Variants in RIF1 observed in about 807,000 individuals in gnomAD.
The protein encoded by RIF1 is replication timing regulatory factor 1.
A neutral mutation model predicts 247.1 loss-of-function variants in RIF1; 45 were observed. That is an observed-to-expected ratio of 0.18 (90% confidence interval 0.14 to 0.23). The LOEUF is 0.23. Ranked by LOEUF, RIF1 falls within the 10% of genes least tolerant of loss-of-function variation. The pLI is 1.00. For synonymous variants in RIF1, 1,087 were observed against 978.8 expected (o/e 1.11, Z -2.06); for missense variants, 2,967 against 2,862.5 (o/e 1.04, Z -0.83).
the RIF1 span, among the ~76,000 whole-genome samples, chr2:151,522,329 A>C: frequency 9.2e-5 from 14 of 152,240 alleles, no homozygotes; most frequent in South Asian, 2.1e-4. Context: ...CTGAGAAACT[A>C]TATTAAATAC....
chr2:151,530,605 A>T, the RIF1 span: 1 of 163,324 alleles, frequency 6.1e-6, no homozygotes, highest in Non-Finnish European at 1.3e-5. Context: ...AAAAATCAGT[A>T]CCTCAGGATA....
At chr2:151,439,251 G>A (rs1691798871) in intron 14 of RIF1, among the ~76,000 whole-genome samples, 1 of 152,090 alleles carries the variant, frequency 6.6e-6, no homozygotes, top group South Asian at 2.1e-4. Flanking sequence ...GAATAGGAGT[G>A]GACTCATGCC....
At chr2:151,528,515 A>G in the RIF1 span, among the ~76,000 whole-genome samples, 2 of 152,164 alleles carry the variant, frequency 1.3e-5, no homozygotes, top group African/African-American at 4.8e-5. Context: ...CTGTCCTTCT[A>G]TCCGTCTGCC....
At position 151,474,894 on chromosome 2, in the gene RIF1, C is replaced by A; in HGVS notation, c.7242C>A (p.Ser2414=). Residue 2414 remains serine (S), a synonymous_variant, in exon 36 of 36, where the codon TCC becomes TCA. Transcript: ENST00000444746. ...CTGTTGCTTTAGAAATTCCATTATC[C>A]AAAAACCTTCTGGCACAGATTAGTG... is the stretch of plus-strand genomic sequence containing the variant. The part of the protein sequence containing the change: ...IDPVALEIPL[S]KNLLAQISAL... 1 of 1,598,336 alleles carries A rather than the reference C, an allele frequency of 6.3e-7. No homozygotes were observed. The highest frequency in any genetic ancestry group is 1.1e-5 in the South Asian group (1 of 90,548).
At chr2:151,453,193 C>T (rs937558044) in intron 21 of RIF1, among the ~76,000 whole-genome samples, 3 of 151,744 alleles carry the variant, frequency 2.0e-5, no homozygotes, top group Admixed American at 6.6e-5. Flanking sequence ...ACATTTTATT[C>T]TTTTTCCCTT....
the RIF1 span, among the ~76,000 whole-genome samples, chr2:151,517,012 G>C: frequency 1.7e-3 from 261 of 152,306 alleles, 2 homozygotes; most frequent in South Asian, 0.031. Context: ...CTGGGGTCTA[G>C]ATTGAATGGA....
At chr2:151,502,369 T>C (rs2065290842) in intron 11 of RIF1, among the ~76,000 whole-genome samples, 1 of 140,130 alleles carries the variant, frequency 7.1e-6, no homozygotes, top group Non-Finnish European at 1.5e-5. Flanking sequence ...TATGGAAAAA[T>C]AAATAAACAT....
the RIF1 span, chr2:151,534,370 A>G: frequency 6.6e-7 from 1 of 1,514,618 alleles, no homozygotes; most frequent in African/African-American, 1.4e-5. Context: ...TCAAGGCTAC[A>G]CAAAAATGTC....
chr2:151,497,926 G>A (rs2061396420), intron 10 of RIF1: 1 of 1,461,638 alleles, frequency 6.8e-7, no homozygotes, highest in East Asian at 2.5e-5. Flanking sequence ...CTGAGGAAGG[G>A]CTGTCAGAGT....
At chr2:151,528,768 A>G in the RIF1 span, among the ~76,000 whole-genome samples, 1 of 152,238 alleles carries the variant, frequency 6.6e-6, no homozygotes, top group East Asian at 1.9e-4. Flanking sequence ...CGCAGGGAAT[A>G]TCTGAGCAGG....
At chr2:151,424,471 G>T (rs1238392843) in intron 8 of RIF1, among the ~76,000 whole-genome samples, 1 of 152,158 alleles carries the variant, frequency 6.6e-6, no homozygotes, top group Non-Finnish European at 1.5e-5. Context: ...CTGAGTAATT[G>T]TATGTATATA....
At chr2:151,444,390 A>T (rs763235581) in intron 18 of RIF1, among the ~76,000 whole-genome samples, 11 of 152,178 alleles carry the variant, frequency 7.2e-5, no homozygotes, top group Non-Finnish European at 1.2e-4. Flanking sequence ...GCTCACTGCA[A>T]CCTCTGCCTC....
the RIF1 span, chr2:151,514,999 AG>A: frequency 1.0e-6 from 1 of 978,388 alleles, no homozygotes; most frequent in Non-Finnish European, 1.5e-6. Flanking sequence ...CATCTCAGGA[AG>A]AAAAAAAAAA....
Position 151,426,234 on chromosome 2 carries a change from G to A in RIF1, c.787-2550G>A, listed in dbSNP as rs559379475. Among the ~76,000 whole-genome samples, 40 of 136,684 alleles carry A rather than the reference G, an allele frequency of 2.9e-4. No individual in the cohort carries two copies. In the South Asian group the frequency reaches 9.2e-3, roughly 32 times the overall value. 89.7% of individuals were successfully genotyped at this position (136,684 alleles called of 152,430 possible). A position where few individuals can be genotyped will look rare whatever the true frequency, so the allele number is the denominator to read the frequency against. ...GTGTCGCCCAGGCTGGAGTGCAGTG[G>A]CGTGATCTCAGCTCACTGCAACCTC... On this transcript the variant is annotated intron_variant, in intron 8 of 35. Coordinates refer to ENST00000444746, the MANE Select transcript of RIF1 (RefSeq NM_018151.5).
intron 30 of RIF1, 45 bp from the exon 31 acceptor site, chr2:151,467,955 A>T (rs769828177): frequency 7.8e-6 from 12 of 1,547,768 alleles, no homozygotes; most frequent in South Asian, 1.2e-5. Context: ...GTAATTTTTT[A>T]AAAACTTTAA....
Position 151,463,498 on chromosome 2 carries a change from T to C in RIF1, c.3978T>C (p.Asn1326=). The C allele has an allele frequency of 6.2e-7, 1 of 1,614,040 alleles. No individual in the cohort carries two copies. Among genetic ancestry groups the C allele is most frequent in the Non-Finnish European group, 8.5e-7 (1 of 1,179,956 alleles). Residue 1326 remains asparagine, a synonymous_variant, in exon 30 of 36, where the codon AAT becomes AAC. Coordinates refer to ENST00000444746, the MANE Select transcript of RIF1 (RefSeq NM_018151.5). ...TTGAAGGCATTGTAGTCTTAGAAAA[T>C]AACCCACCTGGTTTGCTTAATCAAA... ...ESVEGIVVLE[N]NPPGLLNQTE...
In RIF1 at chr2:151,420,370, T is replaced by A. The variant is rs754829502; in HGVS notation, c.684T>A (p.Leu228=). ...QQEIASITEQ[L]MTTKLISELQ... ...AAATAGCATCTATTACGGAGCAGCT[T>A]ATGACTACTGTGAGTGTTCTTTTAT... is the stretch of plus-strand genomic sequence containing the variant. Residue 228 remains leucine, a synonymous_variant, in exon 7 of 36, where the codon CTT becomes CTA. Transcript: ENST00000444746. 6.2e-7 allele frequency: 1 copy of A among 1,614,012 alleles called. No homozygotes were observed. Among genetic ancestry groups the A allele is most frequent in the East Asian group, 2.2e-5 (1 of 44,876 alleles).
At chr2:151,533,353 G>T in the RIF1 span, 2 of 818,736 alleles carry the variant, frequency 2.4e-6, no homozygotes, top group South Asian at 1.6e-5. Flanking sequence ...CATGGGCAGG[G>T]AGTGGAAGAG....
intron 5 of RIF1, 37 bp from the exon 6 acceptor site, chr2:151,416,770 G>T: frequency 6.2e-7 from 1 of 1,602,152 alleles, no homozygotes; most frequent in Admixed American, 1.7e-5. Flanking sequence ...AACAGTTCAG[G>T]CTTATTTCAT....
Sources: allele counts gnomAD v4.1 joint callset (sites outside exome capture counted in the v4.1 genomes callset), GRCh38; gene constraint gnomAD v4.1.1; transcripts MANE v1.5; gene names NCBI Gene and HGNC (gene_info 2026-07-23, HGNC 2026-07-21).